The following SGCZ variants were observed in gnomAD, a reference collection of about 807,000 sequenced individuals.
The protein encoded by SGCZ is sarcoglycan zeta.
A neutral mutation model predicts 41.3 loss-of-function variants in SGCZ; 40 were observed. The ratio of observed to expected loss-of-function variants is 0.97; its 90% CI spans 0.75 to 1.26. The LOEUF (loss-of-function observed/expected upper bound fraction) is 1.26, where lower values mean the gene tolerates loss of function less well. Among genes scored for constraint, SGCZ ranks in the 50% most tolerant of loss-of-function variants. The pLI is 0.00. For synonymous variants in SGCZ, 206 were observed against 137.5 expected (o/e 1.50, Z -3.49); for missense variants, 552 against 369.8 (o/e 1.49, Z -4.04).
intron 1 of SGCZ, among the ~76,000 whole-genome samples, chr8:14,699,326 C>T (rs1050433908): frequency 2.6e-5 from 4 of 151,252 alleles, no homozygotes; most frequent in Non-Finnish European, 5.9e-5. Flanking sequence ...TACCTACAAC[C>T]ATATGATCTT....
chr8:15,072,352 G>A (rs1470794712), intron 1 of SGCZ, among the ~76,000 whole-genome samples: 1 of 152,086 alleles, frequency 6.6e-6, no homozygotes, highest in Admixed American at 6.5e-5. Flanking sequence ...GTGGTTTGAA[G>A]AGTACACAAA....
chr8:15,094,534 T>C (rs181096275), intron 1 of SGCZ, among the ~76,000 whole-genome samples: 222 of 152,204 alleles, frequency 1.5e-3, no homozygotes, highest in African/African-American at 5.2e-3. Flanking sequence ...GCAGAAAGAA[T>C]AGCAAATTCT....
At chr8:14,776,852 G>C (rs915577747) in intron 1 of SGCZ, among the ~76,000 whole-genome samples, 1 of 152,110 alleles carries the variant, frequency 6.6e-6, no homozygotes, top group African/African-American at 2.4e-5. Context: ...ACTCTTCATT[G>C]TGTTAAAATA....
Position 14,118,389 on chromosome 8 carries a change from A to G in SGCZ, c.548-10154T>C, listed in dbSNP as rs187922344. On this transcript the variant is annotated intron_variant, in intron 5 of 7. Transcript: ENST00000382080. ...CTTCTTTTGAGAAGTGTCTGTTCAT[A>G]TCCTTCACCCACTTTTTGATGGGGT... Among the ~76,000 whole-genome samples the G allele has an allele frequency of 3.8e-3, 575 of 152,166 alleles. 5 individuals carry two copies. Among genetic ancestry groups the G allele is most frequent in the Middle Eastern group, 0.024 (7 of 294 alleles).
At chr8:14,153,328 G>A (rs1803767550) in intron 5 of SGCZ, among the ~76,000 whole-genome samples, 2 of 152,118 alleles carry the variant, frequency 1.3e-5, no homozygotes, top group Admixed American at 6.5e-5. Flanking sequence ...CGGTCTGTAA[G>A]CCTATTCAAA....
chr8:14,383,352 C>T (rs1349695158), intron 2 of SGCZ, among the ~76,000 whole-genome samples: 1 of 152,172 alleles, frequency 6.6e-6, no homozygotes, highest in Admixed American at 6.5e-5. Flanking sequence ...TTTATCACTA[C>T]TTAACGAAGT....
chr8:14,860,935 G>GAGAC (rs1170479840), intron 1 of SGCZ, among the ~76,000 whole-genome samples: 1 of 152,118 alleles, frequency 6.6e-6, no homozygotes, highest in African/African-American at 2.4e-5. Context: ...AAAGTCTGAT[G>GAGAC]AGACAATGGA....
chr8:14,370,273 G>T (rs1585416132), intron 2 of SGCZ, among the ~76,000 whole-genome samples: 1 of 151,882 alleles, frequency 6.6e-6, no homozygotes, highest in African/African-American at 2.4e-5. Context: ...TCATCACATG[G>T]CTATTAAATA....
In SGCZ at chr8:14,319,644, T is replaced by A. The variant is rs558917126; in HGVS notation, c.336+4459A>T. 5 of 152,144 alleles carry A rather than the reference T, an allele frequency of 3.3e-5. No homozygotes were observed. The South Asian group carries it at 8.3e-4, about 25-fold the overall frequency. The allele number at this position is 152,144 out of a possible 1,614,324, so 9.4% of individuals were successfully genotyped here. On this transcript the variant is annotated intron_variant, in intron 3 of 7. Coordinates refer to ENST00000382080, the MANE Select transcript of SGCZ (RefSeq NM_139167.4). ...ATAATATAAAGAAGACCACAGACGA[T>A]GAGTAACTGTAGCCATTTATATGTA... is the stretch of plus-strand genomic sequence containing the variant.
At chr8:14,165,562 A>G (rs114397355) in intron 4 of SGCZ, among the ~76,000 whole-genome samples, 371 of 152,182 alleles carry the variant, frequency 2.4e-3, no homozygotes, top group African/African-American at 8.1e-3. Flanking sequence ...TTATGTCCAA[A>G]TTTCTTTGGA....
At chr8:14,095,390 C>CCAT (rs1303984252) in intron 7 of SGCZ, among the ~76,000 whole-genome samples, 15 of 152,106 alleles carry the variant, frequency 9.9e-5, no homozygotes, top group Admixed American at 9.8e-4. Context: ...AATCCTTTTC[C>CCAT]CATTGCTTGT....
chr8:14,133,052 C>G (rs1803090217), intron 5 of SGCZ, among the ~76,000 whole-genome samples: 1 of 151,924 alleles, frequency 6.6e-6, no homozygotes, highest in Non-Finnish European at 1.5e-5. Flanking sequence ...ATAAAAAAAC[C>G]ACGTTTCTCA....
At chr8:15,215,578 T>G (rs2117170572) in intron 1 of SGCZ, among the ~76,000 whole-genome samples, 1 of 152,192 alleles carries the variant, frequency 6.6e-6, no homozygotes, top group African/African-American at 2.4e-5. Context: ...CAGCTGGAGG[T>G]AAGACATTTT....
At chr8:14,793,631 G>A (rs1336171015) in intron 1 of SGCZ, among the ~76,000 whole-genome samples, 1 of 152,076 alleles carries the variant, frequency 6.6e-6, no homozygotes, top group Non-Finnish European at 1.5e-5. Context: ...TCTGAGATTT[G>A]TACACCCAGG....
chr8:14,982,362 G>A (rs1801694890), intron 1 of SGCZ, among the ~76,000 whole-genome samples: 1 of 152,132 alleles, frequency 6.6e-6, no homozygotes, highest in South Asian at 2.1e-4. Context: ...CGTTCGTTGT[G>A]TGATATACAC....
intron 1 of SGCZ, among the ~76,000 whole-genome samples, chr8:14,681,879 A>G (rs1808457243): frequency 1.3e-5 from 2 of 152,094 alleles, no homozygotes; most frequent in East Asian, 3.9e-4. Flanking sequence ...AAGTAGTTTA[A>G]ATGATAAATG....
intron 2 of SGCZ, among the ~76,000 whole-genome samples, chr8:14,330,389 T>G (rs1164949417): frequency 6.6e-6 from 1 of 152,076 alleles, no homozygotes; most frequent in Non-Finnish European, 1.5e-5. Context: ...TTACTAAAAT[T>G]TATAGAATTT....
At position 14,233,866 on chromosome 8, in the gene SGCZ, G is replaced by A. The variant is rs556839233; in HGVS notation, c.424+3726C>T. On this transcript the variant is annotated intron_variant, in intron 4 of 7. Transcript: ENST00000382080. The stretch of plus-strand genomic sequence containing the variant: ...GAGAATGGTTCTGAGACTCGTTTAA[G>A]AAAGTTCTTGCTTTTTCTTCAAGGA... Among the ~76,000 whole-genome samples, 8 of 151,922 alleles carry A rather than the reference G, an allele frequency of 5.3e-5. No individual in the cohort carries two copies. The East Asian group carries it at 1.5e-3, about 29-fold the overall frequency.
chr8:14,627,396 C>G (rs1585136335), intron 1 of SGCZ, among the ~76,000 whole-genome samples: 2 of 152,200 alleles, frequency 1.3e-5, no homozygotes, highest in African/African-American at 4.8e-5. Flanking sequence ...ACATCTAATA[C>G]CTAATTTTCA....
Sources: allele counts gnomAD v4.1 joint callset (sites outside exome capture counted in the v4.1 genomes callset), GRCh38; gene constraint gnomAD v4.1.1; transcripts MANE v1.5; gene names NCBI Gene and HGNC (gene_info 2026-07-23, HGNC 2026-07-21).